The following CLEC4F variants were observed in gnomAD, a reference collection of about 807,000 sequenced individuals.
CLEC4F encodes the protein C-type (calcium dependent, carbohydrate-recognition domain) lectin, superfamily member 13.
A neutral mutation model predicts 53.4 loss-of-function variants in CLEC4F; 45 were observed. The ratio of observed to expected loss-of-function variants is 0.84; its 90% CI spans 0.66 to 1.08. CLEC4F has a LOEUF of 1.08. CLEC4F is among the 50% of genes least tolerant of loss of function. The pLI is 0.00. For synonymous variants in CLEC4F, 245 were observed against 257.5 expected (o/e 0.95, Z 0.46); for missense variants, 753 against 698.2 (o/e 1.08, Z -0.88).
rs1553397531 is a variant in CLEC4F at position 70,819,871 on chromosome 2, C to A, written c.82G>T (p.Ala28Ser). 6.3e-7 allele frequency: 1 copy of A among 1,599,424 alleles called. No homozygotes were observed. Among genetic ancestry groups the A allele is most frequent in the Admixed American group, 1.7e-5 (1 of 57,698 alleles). ...CTCGGTATCTTGGGGGCTGCAGGAG[C>A]CATTGCCACAGAGTCCACCTCTGCA... is the stretch of plus-strand genomic sequence containing the variant. ...HPQEVDSVAM[A>S]PAAPKIPRLV... is the part of the protein sequence containing the mutation. The change falls in exon 2 of 7, where the codon GCT becomes TCT. Residue 28 changes from alanine to serine, a missense_variant. Transcript: ENST00000272367.
chr2:70,811,412 A>C (rs1676554247), intron 5 of CLEC4F: 3 of 663,316 alleles, frequency 4.5e-6, no homozygotes, highest in Non-Finnish European at 8.3e-6. Context: ...AATTATAGAT[A>C]TCCTGTGCCT....
Position 70,815,979 on chromosome 2 carries a change from C to T in CLEC4F, c.1387+15G>A. The T allele has an allele frequency of 1.2e-6, 2 of 1,607,442 alleles. No individual in the cohort carries two copies. Among genetic ancestry groups the T allele is most frequent in the Non-Finnish European group, 1.7e-6 (2 of 1,176,016 alleles). ...ACTGTGCCCTCCCCAAACGCGACTC[C>T]CCTCTCCCACTTACTTTGGGTTCTT... On this transcript the variant is annotated intron_variant, in intron 4 of 6. Coordinates refer to ENST00000272367, the MANE Select transcript of CLEC4F (RefSeq NM_173535.3).
chr2:70,825,123 T>A (rs1355872275), upstream of CLEC4F, among the ~76,000 whole-genome samples: 1 of 152,182 alleles, frequency 6.6e-6, no homozygotes, highest in East Asian at 1.9e-4. Flanking sequence ...ATGGTCTTCC[T>A]CCTGAAACTC....
intron 4 of CLEC4F, 103 bp downstream of exon 4, chr2:70,815,891 A>C (rs994835281): frequency 7.9e-7 from 1 of 1,266,468 alleles, no homozygotes; most frequent in Non-Finnish European, 1.1e-6. Flanking sequence ...GGATTTGGTC[A>C]AGGAGATGCA....
chr2:70,820,959 G>A (rs1553397869), upstream of CLEC4F, among the ~76,000 whole-genome samples: 2 of 152,206 alleles, frequency 1.3e-5, no homozygotes, highest in African/African-American at 4.8e-5. Flanking sequence ...AGGTAAAAGA[G>A]GGGCCAGGTC....
At chr2:70,819,577 A>T in intron 2 of CLEC4F, 133 bp from the exon 3 acceptor site, 1 of 936,374 alleles carries the variant, frequency 1.1e-6, no homozygotes, top group Non-Finnish European at 1.7e-6. Context: ...TCCCTCATGA[A>T]CCTCAGTTCT....
chr2:70,824,035 AAAGAAAGAAAG>A (rs1677289171), upstream of CLEC4F, among the ~76,000 whole-genome samples: 1 of 91,710 alleles, frequency 1.1e-5, no homozygotes, highest in East Asian at 4.0e-4. Flanking sequence ...AAAAAAAAAA[AAAGAAAGAAAG>A]AAAGAAAGAA....
intron 4 of CLEC4F, 151 bp downstream of exon 4, chr2:70,815,842 AT>A: frequency 1.2e-6 from 1 of 819,698 alleles, no homozygotes; most frequent in East Asian, 2.6e-5. Context: ...ACCTCACACC[AT>A]CTCTACAACT....
chr2:70,819,764 TGG>T lies in CLEC4F; in HGVS notation c.178+9_178+10del. 1 of 1,558,878 alleles carries T rather than the reference TGG, an allele frequency of 6.4e-7. No individual in the cohort carries two copies. The highest frequency in any genetic ancestry group is 8.7e-7 in the Non-Finnish European group (1 of 1,149,662). On this transcript the variant is annotated intron_variant, in intron 2 of 6. Coordinates refer to ENST00000272367, the MANE Select transcript of CLEC4F (RefSeq NM_173535.3). ...GAAAGTTAGTGAGATTTGGGTCACC[TGG>T]GGGCTTACCCACTACAAAGAGAGTC...
At chr2:70,811,412 A>G in intron 5 of CLEC4F, 1 of 663,316 alleles carries the variant, frequency 1.5e-6, no homozygotes, top group Non-Finnish European at 2.8e-6. Context: ...AATTATAGAT[A>G]TCCTGTGCCT....
At chr2:70,815,891 A>G (rs994835281) in intron 4 of CLEC4F, 103 bp downstream of exon 4, 5 of 1,266,584 alleles carry the variant, frequency 3.9e-6, no homozygotes, top group South Asian at 3.0e-5. Context: ...GGATTTGGTC[A>G]AGGAGATGCA....
At chr2:70,810,500 T>C (rs1418227649) in intron 5 of CLEC4F, among the ~76,000 whole-genome samples, 2 of 150,096 alleles carry the variant, frequency 1.3e-5, no homozygotes, top group Non-Finnish European at 2.9e-5. Context: ...GTGCCTGTAA[T>C]CCCAGCTACT....
chr2:70,818,191 T>G (rs868931256), intron 3 of CLEC4F, among the ~76,000 whole-genome samples: 12 of 152,212 alleles, frequency 7.9e-5, no homozygotes, highest in African/African-American at 2.9e-4. Flanking sequence ...TTCAAGGTAC[T>G]GGGAGTTCAG....
At chr2:70,809,404 A>C (rs782144308) in intron 6 of CLEC4F, 22 bp from the exon 7 acceptor site, 1 of 1,582,124 alleles carries the variant, frequency 6.3e-7, no homozygotes, top group Admixed American at 1.8e-5. Flanking sequence ...AGGGGGAAAA[A>C]AACAGAAAGA....
upstream of CLEC4F, among the ~76,000 whole-genome samples, chr2:70,824,621 CCAAAAAAAAA>C (rs1369877068): frequency 1.6e-4 from 6 of 38,252 alleles, no homozygotes; most frequent in East Asian, 3.5e-3. Context: ...TGCTTAGTTA[CCAAAAAAAAA>C]AAAAAAAAAA....
At chr2:70,823,270 T>C (rs1005429), upstream of CLEC4F, among the ~76,000 whole-genome samples, 132,084 of 152,190 alleles carry the variant, frequency 0.87, 57,859 homozygotes, top group Non-Finnish European at 0.93. Context: ...TGAAGGCACC[T>C]ATTTCTGGAC....
chr2:70,820,704 C>T (rs1246278555), upstream of CLEC4F: 14 of 570,934 alleles, frequency 2.5e-5, 1 homozygote, highest in Middle Eastern at 1.4e-3. Context: ...TGGGCCCCTC[C>T]CCTAGAGGCT....
chr2:70,812,657 G>C, intron 4 of CLEC4F, 59 bp from the exon 5 acceptor site: 1 of 1,576,718 alleles, frequency 6.3e-7, no homozygotes, highest in Non-Finnish European at 8.7e-7. Context: ...GTCCCAGAAG[G>C]AACTTTTCTG....
At chr2:70,820,641 A>C (rs1574386335), upstream of CLEC4F, 2 of 967,054 alleles carry the variant, frequency 2.1e-6, no homozygotes, top group South Asian at 1.8e-5. Context: ...GCTCCTGACC[A>C]CCCTCCCAGC....
Sources: gnomAD v4.1 joint callset for allele counts (sites outside exome capture counted in the v4.1 genomes callset) on GRCh38, gnomAD v4.1.1 for gene constraint, MANE v1.5 for transcripts, NCBI Gene and HGNC (gene_info 2026-07-23, HGNC 2026-07-21) for gene names.